Variants in GNB2 observed in about 807,000 individuals in gnomAD.
GNB2 encodes G protein subunit beta 2.
GNB2 carries 7 observed loss-of-function variants against 40.7 expected under a neutral mutation model. That is an observed-to-expected ratio of 0.17 (90% CI 0.10 to 0.32). GNB2 has a LOEUF of 0.32. GNB2 is among the 10% of genes least tolerant of loss of function. The probability of loss-of-function intolerance (pLI) is 1.00; values close to 1 mark genes in which losing one functional copy is unlikely to be tolerated. For synonymous variants in GNB2, 254 were observed against 191.2 expected, an observed-to-expected ratio of 1.33 and a Z score of -2.71; for missense variants, 286 against 473.0, an observed-to-expected ratio of 0.60 and a Z score of 3.67.
Position 100,678,937 on chromosome 7 carries a change from G to C in GNB2, c.*136G>C. 1 of 675,572 alleles carries C rather than the reference G, an allele frequency of 1.5e-6. No homozygotes were observed. The highest frequency in any genetic ancestry group is 2.5e-6 in the Non-Finnish European group (1 of 392,506). 41.8% of individuals were successfully genotyped at this position (675,572 alleles called of 1,614,324 possible). ...CCTTGGGTCCCTGCCCTCCCACCCA[G>C]GTTTGGTTCCTCCCGGGGCCCCCAC... On this transcript the variant is annotated 3_prime_UTR_variant, in exon 10 of 10. Coordinates refer to ENST00000303210, the MANE Select transcript of GNB2 (RefSeq NM_005273.4).
intron 1 of GNB2, among the ~76,000 whole-genome samples, chr7:100,674,606 C>T (rs1205626943): frequency 6.6e-6 from 1 of 152,136 alleles, no homozygotes; most frequent in Non-Finnish European, 1.5e-5. Flanking sequence ...CCCGCGCCTT[C>T]CAGCTGCCAG....
At chr7:100,675,992 T>C (rs1443684974) in intron 1 of GNB2, 185 bp from the exon 2 acceptor site, 3 of 442,928 alleles carry the variant, frequency 6.8e-6, no homozygotes, top group East Asian at 3.9e-5. Flanking sequence ...GGGAGGAAGA[T>C]TGGGGAAGTC....
Position 100,678,151 on chromosome 7 carries a change from G to A in GNB2, c.551G>A (p.Ser184Asn). ...CAGACAGTGGGTTTTGCTGGACACA[G>A]TGGGGATGTGATGTCCCTGTCCCTG... ...GQQTVGFAGHSGDVMSLSLAP... is the reference protein window; with the variant it reads ...GQQTVGFAGHNGDVMSLSLAP... Residue 184 changes from serine to asparagine, a missense_variant, in exon 8 of 10, where the codon AGT (serine) becomes AAT (asparagine). By Grantham distance (46) the Ser-to-Asn change is conservative. Coordinates refer to ENST00000303210, the MANE Select transcript of GNB2 (RefSeq NM_005273.4). The A allele has an allele frequency of 6.2e-7, 1 of 1,614,070 alleles. No homozygotes were observed. The highest frequency in any genetic ancestry group is 8.5e-7 in the Non-Finnish European group (1 of 1,179,892).
At chr7:100,678,335 A>G (rs942240263) in intron 8 of GNB2, 36 bp downstream of exon 8, 1 of 1,604,578 alleles carries the variant, frequency 6.2e-7, no homozygotes, top group Non-Finnish European at 8.5e-7. Flanking sequence ...GGCCCTCCCC[A>G]CCAGGCTCCC....
At position 100,678,714 on chromosome 7, in the gene GNB2, C is replaced by T. The variant is rs756189470; in HGVS notation, c.936C>T (p.Asp312=). 2.7e-5 allele frequency: 44 copies of T among 1,613,538 alleles called. No individual in the cohort carries two copies. Among genetic ancestry groups the T allele is most frequent in the Non-Finnish European group, 3.6e-5 (43 of 1,179,924 alleles). ...GDRAGVLAGH[D]NRVSCLGVTD... ...TCACAGGAGTCCTCGCTGGCCACGACAACCGCGTGAGCTGCCTCGGGGTCA... is the reference window on the plus strand; with the variant it reads ...TCACAGGAGTCCTCGCTGGCCACGATAACCGCGTGAGCTGCCTCGGGGTCA... Residue 312 remains aspartate (D), a synonymous_variant, in exon 10 of 10, where the codon GAC becomes GAT. Coordinates refer to ENST00000303210, the MANE Select transcript of GNB2 (RefSeq NM_005273.4).
At chr7:100,678,063 C>G (rs374626655) in intron 7 of GNB2, 35 bp from the exon 8 acceptor site, 5 of 1,536,172 alleles carry the variant, frequency 3.3e-6, no homozygotes, top group Admixed American at 1.7e-5. Context: ...TTCGCCCTGT[C>G]TCTTATCTTT....
chr7:100,674,516 C>T (rs1326922085), intron 1 of GNB2, among the ~76,000 whole-genome samples: 1 of 151,868 alleles, frequency 6.6e-6, no homozygotes, highest in Non-Finnish European at 1.5e-5. Flanking sequence ...GCCCGCCCCC[C>T]GCCCAGCTTT....
Position 100,676,070 on chromosome 7 carries a change from C to T in GNB2, c.-89-107C>T, listed in dbSNP as rs994678388. 1.8e-5 allele frequency: 9 copies of T among 503,758 alleles called. No individual in the cohort carries two copies. In the African/African-American group the frequency reaches 1.8e-4, roughly 10 times the overall value. 31.2% of individuals were successfully genotyped at this position (503,758 alleles called of 1,614,324 possible). A position where few individuals can be genotyped will look rare whatever the true frequency, so the allele number is the denominator to read the frequency against. ...GTGCCCGGGGACGGCGGCCGCGCCG[C>T]CCCTTCCCCCTCCCCTTGCTTACCC... On this transcript the variant is annotated intron_variant, in intron 1 of 9. Coordinates refer to ENST00000303210, the MANE Select transcript of GNB2 (RefSeq NM_005273.4).
chr7:100,677,880 C>T lies in GNB2; in HGVS notation c.497+62C>T, dbSNP rs961784534. On this transcript the variant is annotated intron_variant, in intron 7 of 9. Transcript: ENST00000303210. ...CCACACTTCCTGCCTCAGGGGCCAC[C>T]GTCCCAGTGCTCAACATGCAGCATG... 9.9e-6 allele frequency: 14 copies of T among 1,411,226 alleles called. No individual in the cohort carries two copies. The Middle Eastern group carries it at 5.3e-4, about 54-fold the overall frequency. 87.4% of individuals were successfully genotyped at this position (1,411,226 alleles called of 1,614,324 possible).
At position 100,673,788 on chromosome 7, in the gene GNB2, G is replaced by C. The variant is rs1012465148; in HGVS notation, c.-225G>C. The C allele has an allele frequency of 5.5e-6, 1 of 180,568 alleles. No individual in the cohort carries two copies. The highest frequency in any genetic ancestry group is 1.1e-5 in the Non-Finnish European group (1 of 90,638). The allele number at this position is 180,568 out of a possible 1,614,324, so 11.2% of individuals were successfully genotyped here. A position where few individuals can be genotyped will look rare whatever the true frequency, so the allele number is the denominator to read the frequency against. ...TCTGGGGAGGCAGCGCTGGCGGCGG[G>C]GCTGGGGCCACTGAGGAAATCCATC... is the stretch of plus-strand genomic sequence containing the variant. On this transcript the variant is annotated 5_prime_UTR_variant, in exon 1 of 10. Coordinates refer to ENST00000303210, the MANE Select transcript of GNB2 (RefSeq NM_005273.4).
At chr7:100,677,475 C>CCGGCGCTTCCCCTG (rs1804375805) in intron 5 of GNB2, 23 bp from the exon 6 acceptor site, 1 of 1,612,918 alleles carries the variant, frequency 6.2e-7, no homozygotes, top group Non-Finnish European at 8.5e-7. Context: ...GGCTCTGACC[C>CCGGCGCTTCCCCTG]CGGCGCTTCC....
At position 100,678,134 on chromosome 7, in the gene GNB2, G is replaced by T. The variant is rs780578984; in HGVS notation, c.534G>T (p.Val178=). Residue 178 remains valine, a synonymous_variant, in exon 8 of 10, where the codon GTG becomes GTT. Coordinates refer to ENST00000303210, the MANE Select transcript of GNB2 (RefSeq NM_005273.4). The part of the protein sequence containing the change: ...LWDIETGQQT[V]GFAGHSGDVM... ...ACATTGAGACAGGCCAGCAGACAGT[G>T]GGTTTTGCTGGACACAGTGGGGATG... The T allele has an allele frequency of 1.9e-6, 3 of 1,613,812 alleles. No individual in the cohort carries two copies. The African/African-American group carries it at 4.0e-5, about 22-fold the overall frequency.
intron 2 of GNB2, 65 bp from the exon 3 acceptor site, chr7:100,676,470 C>G: frequency 2.8e-6 from 4 of 1,427,666 alleles, no homozygotes; most frequent in East Asian, 2.3e-5. Context: ...CTTCTGTTCT[C>G]TTCTCTCCCT....
At chr7:100,674,375 A>G (rs1804306087) in intron 1 of GNB2, among the ~76,000 whole-genome samples, 1 of 151,130 alleles carries the variant, frequency 6.6e-6, no homozygotes, top group Admixed American at 6.6e-5. Context: ...GCCGCGCGCC[A>G]CCCTTCCTTT....
In GNB2 at chr7:100,678,619, C is replaced by T. The variant is rs1248009976; in HGVS notation, c.916+5C>T. On this transcript the variant is annotated splice_donor_5th_base_variant and intron_variant, in intron 9 of 9. Coordinates refer to ENST00000303210, the MANE Select transcript of GNB2 (RefSeq NM_005273.4). ...CCATGAAGGGCGACCGTGCAGGTGA[C>T]AGCTGGGGCCCAGGCTGGGTGGGCA... 1.4e-5 allele frequency: 23 copies of T among 1,612,136 alleles called. No individual in the cohort carries two copies. The highest frequency in any genetic ancestry group is 2.2e-5 in the East Asian group (1 of 44,880).
chr7:100,679,146 A>G lies in GNB2; in HGVS notation c.*345A>G. On this transcript the variant is annotated 3_prime_UTR_variant, in exon 10 of 10. Coordinates refer to ENST00000303210, the MANE Select transcript of GNB2 (RefSeq NM_005273.4). ...TTTATTATATTTTCAGTTTTTCCAT[A>G]AAGGAGCCAATTCCAACTCTGTACC... 4.6e-6 allele frequency: 1 copy of G among 215,776 alleles called. No homozygotes were observed. Among genetic ancestry groups the G allele is most frequent in the South Asian group, 1.1e-4 (1 of 9,484 alleles). 13.4% of individuals were successfully genotyped at this position (215,776 alleles called of 1,614,324 possible).
chr7:100,677,789 AATC>A lies in GNB2; in HGVS notation c.473_475del (p.Ile158del). On this transcript the variant is annotated inframe_deletion, in exon 7 of 10. Coordinates refer to ENST00000303210, the MANE Select transcript of GNB2 (RefSeq NM_005273.4). The stretch of plus-strand genomic sequence containing the variant: ...GTTGCCGCTTCCTGGATGACAACCA[AATC>A]ATCACCAGCTCTGGGGATACCACCT... The A allele has an allele frequency of 6.2e-7, 1 of 1,613,668 alleles. No individual in the cohort carries two copies. The highest frequency in any genetic ancestry group is 8.5e-7 in the Non-Finnish European group (1 of 1,179,956).
rs2131351453 is a variant in GNB2 at position 100,678,114 on chromosome 7, G to C, written c.514G>C (p.Glu172Gln). The stretch of plus-strand genomic sequence containing the variant: ...CCTCTCCAGTGCCCTGTGGGACATT[G>C]AGACAGGCCAGCAGACAGTGGGTTT... ...GDTTCALWDI[E>Q]TGQQTVGFAG... Residue 172 changes from glutamate to glutamine, a missense_variant, in exon 8 of 10, where the codon GAG becomes CAG. Physicochemically the swap from Glu to Gln is conservative, Grantham distance 29. Coordinates refer to ENST00000303210, the MANE Select transcript of GNB2 (RefSeq NM_005273.4). The C allele has an allele frequency of 6.2e-7, 1 of 1,613,238 alleles. No individual in the cohort carries two copies. The highest frequency in any genetic ancestry group is 1.3e-5 in the African/African-American group (1 of 75,022).
chr7:100,674,933 G>T (rs1804317213), intron 1 of GNB2, among the ~76,000 whole-genome samples: 1 of 152,188 alleles, frequency 6.6e-6, no homozygotes, highest in South Asian at 2.1e-4. Context: ...CCCCGATTTT[G>T]AGGGTCACCC....
Sources: allele counts gnomAD v4.1 joint callset (sites outside exome capture counted in the v4.1 genomes callset), GRCh38; gene constraint gnomAD v4.1.1; transcripts MANE v1.5; gene names NCBI Gene and HGNC (gene_info 2026-07-23, HGNC 2026-07-21).